Variants in FGF10 observed in about 807,000 individuals in gnomAD.
FGF10 encodes fibroblast growth factor 10.
FGF10 carries 2 observed loss-of-function variants against 19.8 expected under a neutral mutation model. The ratio of observed to expected loss-of-function variants is 0.10; its 90% confidence interval spans 0.04 to 0.32. The LOEUF is 0.32. Among genes scored for constraint, FGF10 ranks in the 10% least tolerant of loss-of-function variants. The pLI is 1.00. For missense variants in FGF10, 191 were observed against 246.3 expected (o/e 0.78, Z 1.50); for synonymous variants, 112 against 94.0 (o/e 1.19, Z -1.10).
intron 1 of FGF10, among the ~76,000 whole-genome samples, chr5:44,351,242 C>G (rs1483820596): frequency 6.6e-6 from 1 of 151,442 alleles, no homozygotes; most frequent in Non-Finnish European, 1.5e-5. Flanking sequence ...AAACACATGA[C>G]AGTATGTGTC....
At chr5:44,315,987 G>A (rs557291856) in intron 1 of FGF10, among the ~76,000 whole-genome samples, 9 of 152,270 alleles carry the variant, frequency 5.9e-5, no homozygotes, top group South Asian at 2.1e-4. Flanking sequence ...GCCACACAGC[G>A]GGAGGCAAGC....
intron 1 of FGF10, among the ~76,000 whole-genome samples, chr5:44,381,307 T>C (rs1741977128): frequency 6.6e-6 from 1 of 152,120 alleles, no homozygotes; most frequent in Admixed American, 6.5e-5. Flanking sequence ...CATTGAAGAT[T>C]TTTATGCAAA....
At chr5:44,343,086 A>G (rs1579919015) in intron 1 of FGF10, among the ~76,000 whole-genome samples, 1 of 152,112 alleles carries the variant, frequency 6.6e-6, no homozygotes, top group Non-Finnish European at 1.5e-5. Flanking sequence ...ACTCGTCTAG[A>G]GTTTATAGTT....
At chr5:44,355,208 C>A (rs1741319344) in intron 1 of FGF10, among the ~76,000 whole-genome samples, 1 of 151,398 alleles carries the variant, frequency 6.6e-6, no homozygotes, top group Admixed American at 6.6e-5. Context: ...ACCATTCTCT[C>A]CTGGACTTTT....
chr5:44,308,982 C>T (rs1439885011), intron 2 of FGF10, among the ~76,000 whole-genome samples: 1 of 152,128 alleles, frequency 6.6e-6, no homozygotes, highest in African/African-American at 2.4e-5. Context: ...AGTTTAAGAG[C>T]TGCTGGTTCT....
At chr5:44,351,713 C>T (rs754547467) in intron 1 of FGF10, among the ~76,000 whole-genome samples, 16 of 151,566 alleles carry the variant, frequency 1.1e-4, no homozygotes, top group Non-Finnish European at 1.0e-4. Context: ...TAATATTTTA[C>T]TACCATTATT....
intron 1 of FGF10, among the ~76,000 whole-genome samples, chr5:44,360,442 T>C (rs547862484): frequency 6.6e-6 from 1 of 151,694 alleles, no homozygotes; most frequent in East Asian, 2.0e-4. Context: ...ACCATAAGCA[T>C]CTGATCCTTG....
At chr5:44,376,832 C>T (rs895307617) in intron 1 of FGF10, among the ~76,000 whole-genome samples, 1 of 151,638 alleles carries the variant, frequency 6.6e-6, no homozygotes, top group Non-Finnish European at 1.5e-5. Context: ...AGATAATACT[C>T]TTTTGAAATA....
At chr5:44,319,999 C>T (rs1740446114) in intron 1 of FGF10, among the ~76,000 whole-genome samples, 1 of 152,258 alleles carries the variant, frequency 6.6e-6, no homozygotes, top group South Asian at 2.1e-4. Context: ...TGATCTCTGC[C>T]TCCCATCAGA....
In FGF10 at chr5:44,389,084, C is replaced by T. The variant is rs1166792025; in HGVS notation, c.-402G>A. ...GAAAAACAGATGACAGCACGGTGAACAAAACCCAAGGGAGGTGGGGTGGGG... is the reference window on the plus strand; with the variant it reads ...GAAAAACAGATGACAGCACGGTGAATAAAACCCAAGGGAGGTGGGGTGGGG... On this transcript the variant is annotated 5_prime_UTR_variant, in exon 1 of 3. Coordinates refer to ENST00000264664, the MANE Select transcript of FGF10 (RefSeq NM_004465.2). 2 of 319,630 alleles carry T rather than the reference C, an allele frequency of 6.3e-6. No homozygotes were observed. Among genetic ancestry groups the T allele is most frequent in the East Asian group, 7.5e-5 (1 of 13,292 alleles). 19.8% of individuals were successfully genotyped at this position (319,630 alleles called of 1,614,324 possible).
At chr5:44,319,917 G>A (rs552134463) in intron 1 of FGF10, among the ~76,000 whole-genome samples, 25 of 152,242 alleles carry the variant, frequency 1.6e-4, no homozygotes, top group Admixed American at 1.4e-3. Context: ...GGAAGTGGCC[G>A]GTGGTGAGTG....
intron 1 of FGF10, among the ~76,000 whole-genome samples, chr5:44,383,849 T>C (rs1742040405): frequency 6.6e-6 from 1 of 152,038 alleles, no homozygotes; most frequent in African/African-American, 2.4e-5. Flanking sequence ...CCATAAATTG[T>C]TTTTCTTCAC....
At chr5:44,354,907 A>G (rs1364516671) in intron 1 of FGF10, among the ~76,000 whole-genome samples, 11 of 151,454 alleles carry the variant, frequency 7.3e-5, no homozygotes, top group Non-Finnish European at 4.4e-5. Context: ...CTTCGATCAG[A>G]TCTTGGTTTT....
chr5:44,357,732 C>T (rs1055812631), intron 1 of FGF10, among the ~76,000 whole-genome samples: 1 of 151,392 alleles, frequency 6.6e-6, no homozygotes, highest in Non-Finnish European at 1.5e-5. Context: ...ACAAAGATGC[C>T]AATTGGGGGC....
intron 1 of FGF10, among the ~76,000 whole-genome samples, chr5:44,321,357 A>G (rs1001532618): frequency 1.3e-5 from 2 of 152,202 alleles, no homozygotes; most frequent in Non-Finnish European, 2.9e-5. Context: ...CAAGGCAACA[A>G]TGCTTGTTTT....
intron 1 of FGF10, among the ~76,000 whole-genome samples, chr5:44,360,086 T>C (rs1741440353): frequency 6.6e-6 from 1 of 151,496 alleles, no homozygotes; most frequent in South Asian, 2.1e-4. Flanking sequence ...CATTGACCAG[T>C]ATTCATTCAA....
intron 1 of FGF10, among the ~76,000 whole-genome samples, chr5:44,386,739 C>A (rs1486318677): frequency 1.3e-5 from 2 of 152,032 alleles, no homozygotes; most frequent in East Asian, 3.9e-4. Flanking sequence ...TTTAAAAGCA[C>A]CTCTACACGT....
At chr5:44,346,341 T>TA (rs915569758) in intron 1 of FGF10, among the ~76,000 whole-genome samples, 20 of 151,724 alleles carry the variant, frequency 1.3e-4, no homozygotes, top group African/African-American at 2.2e-4. Flanking sequence ...TAAAGTGAAT[T>TA]AAAAAAAACA....
intron 1 of FGF10, among the ~76,000 whole-genome samples, chr5:44,364,521 C>T (rs1053558696): frequency 7.9e-5 from 12 of 151,832 alleles, no homozygotes; most frequent in African/African-American, 2.9e-4. Flanking sequence ...AAACCCAGGG[C>T]AGGCTCCTAC....
Sources: gnomAD v4.1 joint callset for allele counts (sites outside exome capture counted in the v4.1 genomes callset) on GRCh38, gnomAD v4.1.1 for gene constraint, MANE v1.5 for transcripts, NCBI Gene and HGNC (gene_info 2026-07-23, HGNC 2026-07-21) for gene names.